PRKCI: variants seen among roughly 807,000 people sequenced by gnomAD.
The protein encoded by PRKCI is protein kinase C iota.
A neutral mutation model predicts 84.0 loss-of-function variants in PRKCI; 43 were observed. The ratio of observed to expected loss-of-function variants is 0.51; its 90% confidence interval spans 0.40 to 0.66. The LOEUF is 0.66. Ranked by LOEUF, PRKCI falls within the 30% of genes least tolerant of loss-of-function variation. The probability of loss-of-function intolerance (pLI) is 0.00; values close to 1 mark genes in which losing one functional copy is unlikely to be tolerated. For missense variants in PRKCI, 459 were observed against 745.6 expected, an observed-to-expected ratio of 0.62 and a Z score of 4.48; for synonymous variants, 216 against 234.4, an observed-to-expected ratio of 0.92 and a Z score of 0.72.
chr3:170,238,594 CTTTT>C (rs1231292323), intron 2 of PRKCI, among the ~76,000 whole-genome samples: 2 of 125,120 alleles, frequency 1.6e-5, no homozygotes, highest in Admixed American at 8.1e-5. Flanking sequence ...CATTTCTTTT[CTTTT>C]TTTTTTTTTT....
At chr3:170,250,767 A>G (rs1733424165) in intron 2 of PRKCI, among the ~76,000 whole-genome samples, 1 of 152,154 alleles carries the variant, frequency 6.6e-6, no homozygotes. Context: ...CTTGTGAGGA[A>G]CTGCCAGTTT....
chr3:170,286,746 G>A (rs1468458203), intron 12 of PRKCI, among the ~76,000 whole-genome samples: 3 of 150,524 alleles, frequency 2.0e-5, no homozygotes. Flanking sequence ...AACTTTTATT[G>A]TAGTTTATGA....
chr3:170,259,194 T>G (rs1217703160), intron 2 of PRKCI, among the ~76,000 whole-genome samples: 1 of 152,066 alleles, frequency 6.6e-6, no homozygotes, highest in Non-Finnish European at 1.5e-5. Flanking sequence ...TTTGCTGTAT[T>G]TGGGATATAT....
chr3:170,249,197 G>T (rs189407536), intron 2 of PRKCI, among the ~76,000 whole-genome samples: 34 of 152,134 alleles, frequency 2.2e-4, no homozygotes, highest in African/African-American at 8.2e-4. Flanking sequence ...CATCCTAACT[G>T]CAGAAGTCAC....
chr3:170,265,873 G>A (rs1006739312), intron 4 of PRKCI, among the ~76,000 whole-genome samples: 4 of 151,774 alleles, frequency 2.6e-5, no homozygotes, highest in African/African-American at 9.7e-5. Flanking sequence ...TGCCCACCTC[G>A]GCCTCCCAAA....
In PRKCI at chr3:170,295,940, C is replaced by T. The variant is rs754216126; in HGVS notation, c.1447C>T (p.Arg483Cys). Reference sequence around the variant, plus strand: ...TTTGGAAAAACAAATTCGCATACCACGTTCTCTGTCTGTAAAAGCTGCAAG... The same window carrying T: ...TTTGGAAAAACAAATTCGCATACCATGTTCTCTGTCTGTAAAAGCTGCAAG... ...VILEKQIRIP[R>C]SLSVKAASVL... Residue 483 changes from arginine (R) to cysteine (C), a missense_variant, in exon 15 of 18, where the codon CGT becomes TGT. Around this residue, in one of 2 missense-constraint regions of PRKCI, gnomAD observed 209 missense variants for 425.9 expected, o/e 0.49. Coordinates refer to ENST00000295797, the MANE Select transcript of PRKCI (RefSeq NM_002740.6). 1.3e-6 allele frequency: 2 copies of T among 1,572,452 alleles called. No homozygotes were observed. The highest frequency in any genetic ancestry group is 1.7e-6 in the Non-Finnish European group (2 of 1,154,434).
chr3:170,236,248 G>A (rs989116268), intron 2 of PRKCI, among the ~76,000 whole-genome samples: 3 of 151,092 alleles, frequency 2.0e-5, no homozygotes, highest in Non-Finnish European at 4.4e-5. Context: ...ATACAGGGGT[G>A]CACCACCACA....
intron 17 of PRKCI, among the ~76,000 whole-genome samples, chr3:170,301,251 A>C (rs1483265660): frequency 6.6e-6 from 1 of 152,160 alleles, no homozygotes; most frequent in Non-Finnish European, 1.5e-5. Flanking sequence ...TCCCGATGCC[A>C]CCTCTTACCA....
At chr3:170,237,143 T>C (rs1166328180) in intron 2 of PRKCI, among the ~76,000 whole-genome samples, 5 of 152,142 alleles carry the variant, frequency 3.3e-5, no homozygotes, top group African/African-American at 7.2e-5. Context: ...AAGAAGAATA[T>C]GTAGAAAGGC....
In PRKCI at chr3:170,260,797, C is replaced by T. The variant is rs572062763; in HGVS notation, c.313+739C>T. On this transcript the variant is annotated intron_variant, in intron 3 of 17. Transcript: ENST00000295797. ...AGACATTAATATGTTTATACCTCAG[C>T]AACCTTGAGATGTAGGAAGTGGCAT... Among the ~76,000 whole-genome samples the T allele has an allele frequency of 4.0e-4, 61 of 152,226 alleles. 1 individual carries two copies. The South Asian group carries it at 8.5e-3, about 21-fold the overall frequency.
intron 2 of PRKCI, among the ~76,000 whole-genome samples, chr3:170,258,517 G>A (rs1733644120): frequency 6.6e-6 from 1 of 151,950 alleles, no homozygotes; most frequent in Non-Finnish European, 1.5e-5. Flanking sequence ...TGTTGGCCAG[G>A]CTGGTCTCGA....
intron 2 of PRKCI, among the ~76,000 whole-genome samples, chr3:170,257,286 G>A (rs567840499): frequency 6.6e-6 from 1 of 152,258 alleles, no homozygotes; most frequent in Admixed American, 6.5e-5. Context: ...AACTTTGTCA[G>A]GGACTGCAAG....
At chr3:170,291,348 A>T (rs1047812701) in intron 12 of PRKCI, among the ~76,000 whole-genome samples, 4 of 152,224 alleles carry the variant, frequency 2.6e-5, no homozygotes, top group African/African-American at 9.6e-5. Context: ...CTCTAGCAAC[A>T]TCTAATGAGG....
chr3:170,271,477 A>C (rs1489522499), intron 6 of PRKCI, among the ~76,000 whole-genome samples: 1 of 152,240 alleles, frequency 6.6e-6, no homozygotes, highest in African/African-American at 2.4e-5. Context: ...TTGTTTTTAT[A>C]GTTTTCATTA....
rs1161738295 is a variant in PRKCI at position 170,305,803 on chromosome 3, A to G, written c.*2676A>G. The G allele has an allele frequency of 6.6e-6, 1 of 152,252 alleles. No individual in the cohort carries two copies. Among genetic ancestry groups the G allele is most frequent in the Middle Eastern group, 3.4e-3 (1 of 294 alleles). 9.4% of individuals were successfully genotyped at this position (152,252 alleles called of 1,614,324 possible). A position where few individuals can be genotyped will look rare whatever the true frequency, so the allele number is the denominator to read the frequency against. On this transcript the variant is annotated 3_prime_UTR_variant, in exon 18 of 18. Coordinates refer to ENST00000295797, the MANE Select transcript of PRKCI (RefSeq NM_002740.6). The stretch of plus-strand genomic sequence containing the variant: ...CATGTGGTCAGATCATTTTGTGCAT[A>G]TGCAGCCTGGATTGGATGTTAAGTA...
At chr3:170,244,040 C>G (rs1316783995) in intron 2 of PRKCI, among the ~76,000 whole-genome samples, 4 of 152,158 alleles carry the variant, frequency 2.6e-5, no homozygotes, top group African/African-American at 9.7e-5. Context: ...ATCGCTGGTT[C>G]CTGACAGTGC....
intron 2 of PRKCI, among the ~76,000 whole-genome samples, chr3:170,255,785 G>A (rs2108846584): frequency 6.6e-6 from 1 of 152,298 alleles, no homozygotes; most frequent in East Asian, 1.9e-4. Flanking sequence ...GATACTAGGT[G>A]TGGGTCTGTC....
intron 2 of PRKCI, among the ~76,000 whole-genome samples, chr3:170,249,875 C>A (rs1435997258): frequency 6.6e-6 from 1 of 151,526 alleles, no homozygotes; most frequent in Non-Finnish European, 1.5e-5. Context: ...AAAAGGGAGT[C>A]TTTTTTTAAT....
intron 2 of PRKCI, among the ~76,000 whole-genome samples, chr3:170,237,195 A>T (rs1460318955): frequency 6.6e-6 from 1 of 152,236 alleles, no homozygotes; most frequent in African/African-American, 2.4e-5. Flanking sequence ...GCAGTAATTC[A>T]CTGTATCTGA....
Sources: allele counts gnomAD v4.1 joint callset (sites outside exome capture counted in the v4.1 genomes callset), GRCh38; gene constraint gnomAD v4.1.1; regional missense constraint gnomAD v4.1.1; transcripts MANE v1.5; gene names NCBI Gene and HGNC (gene_info 2026-07-23, HGNC 2026-07-21).